USP34: variants seen among roughly 807,000 people sequenced by gnomAD.
USP34 encodes the protein ubiquitin specific peptidase 34.
A neutral mutation model predicts 460.3 loss-of-function variants in USP34; 70 were observed. The ratio of observed to expected loss-of-function variants is 0.15; its 90% CI spans 0.13 to 0.19. The LOEUF (loss-of-function observed/expected upper bound fraction) is 0.19. USP34 is among the 10% of genes least tolerant of loss of function. The pLI is 1.00. For missense variants in USP34, 3,985 were observed against 4,236.2 expected, an observed-to-expected ratio of 0.94 and a Z score of 1.65; for synonymous variants, 1,647 against 1,405.3, an observed-to-expected ratio of 1.17 and a Z score of -3.85.
intron 67 of USP34, 121 bp from the exon 68 acceptor site, chr2:61,214,815 A>G: frequency 8.6e-7 from 1 of 1,161,708 alleles, no homozygotes; most frequent in Non-Finnish European, 1.2e-6. Flanking sequence ...AGGGACATGA[A>G]CATCTCTTTT....
chr2:61,221,801 A>AC (rs1427676300), intron 65 of USP34, 195 bp from the exon 66 acceptor site: 22 of 432,250 alleles, frequency 5.1e-5, no homozygotes, highest in Non-Finnish European at 8.1e-5. Flanking sequence ...TCAACCGGGA[A>AC]CCACGTATGA....
chr2:61,339,295 C>T (rs914482454), intron 18 of USP34, 56 bp downstream of exon 18: 17 of 1,536,544 alleles, frequency 1.1e-5, no homozygotes, highest in African/African-American at 1.4e-5. Context: ...CAAGAATGTC[C>T]CCCCACACCC....
intron 1 of USP34, among the ~76,000 whole-genome samples, chr2:61,429,546 A>G (rs1476359466): frequency 6.6e-6 from 1 of 152,104 alleles, no homozygotes; most frequent in Non-Finnish European, 1.5e-5. Flanking sequence ...TGAGTTGCTT[A>G]AGCACAGGCA....
rs761711516 is a variant in USP34 at position 61,343,885 on chromosome 2, C to T, written c.2430G>A (p.Ala810=). 93 of 1,613,902 alleles carry T rather than the reference C, an allele frequency of 5.8e-5. No homozygotes were observed. In the Middle Eastern group the frequency reaches 3.6e-3, roughly 63 times the overall value. Residue 810 remains alanine, a synonymous_variant, in exon 16 of 80, where the codon GCG becomes GCA. Coordinates refer to ENST00000398571, the MANE Select transcript of USP34 (RefSeq NM_014709.4). ...EEELVQINSH[A]ELTSHLQQHL... is the part of the protein sequence containing the mutation. ...GTTGTTGGAGGTGAGATGTCAGTTC[C>T]GCATGTGAATTAATCTGAACTAGCT...
chr2:61,238,882 G>A (rs1235199123), intron 53 of USP34, among the ~76,000 whole-genome samples: 2 of 151,964 alleles, frequency 1.3e-5, no homozygotes, highest in African/African-American at 4.8e-5. Context: ...AAGTCTATTG[G>A]CACCATTTTT....
intron 29 of USP34, among the ~76,000 whole-genome samples, chr2:61,299,003 C>T (rs967440953): frequency 2.6e-5 from 4 of 152,100 alleles, no homozygotes; most frequent in Non-Finnish European, 4.4e-5. Context: ...TTTTGTCCCC[C>T]TCCTCACATT....
At chr2:61,300,107 T>C (rs919931530) in intron 29 of USP34, among the ~76,000 whole-genome samples, 5 of 152,236 alleles carry the variant, frequency 3.3e-5, no homozygotes, top group African/African-American at 1.2e-4. Flanking sequence ...TCAAATGCTT[T>C]ACTGACTTTG....
chr2:61,260,589 A>T (rs1688850186), intron 43 of USP34, among the ~76,000 whole-genome samples: 1 of 152,232 alleles, frequency 6.6e-6, no homozygotes, highest in Admixed American at 6.5e-5. Flanking sequence ...AAGTCAAGAT[A>T]TGGACTAAAA....
intron 70 of USP34, chr2:61,207,956 T>C (rs1297862343): frequency 6.6e-6 from 1 of 152,342 alleles, no homozygotes; most frequent in Admixed American, 6.5e-5. Context: ...TATGGTACTC[T>C]TGGCATGTTT....
In USP34 at chr2:61,412,938, T is replaced by C. The variant is rs142436625; in HGVS notation, c.132-6810A>G. On this transcript the variant is annotated intron_variant, in intron 2 of 79. Transcript: ENST00000398571. ...ATGAAAAGGAAGTAATCAAGAAGGG[T>C]ACAATATCTGACTAACATAGTTCCA... Among the ~76,000 whole-genome samples, 137 of 142,844 alleles carry C rather than the reference T, an allele frequency of 9.6e-4. 2 individuals are homozygous for C. The highest frequency in any genetic ancestry group is 2.0e-3 in the South Asian group (9 of 4,438). The allele number at this position is 142,844 out of a possible 152,430, so 93.7% of individuals were successfully genotyped here. A position where few individuals can be genotyped will look rare whatever the true frequency, so the allele number is the denominator to read the frequency against.
chr2:61,265,590 CCAAA>C, intron 42 of USP34, 33 bp from the exon 43 acceptor site: 3 of 1,569,032 alleles, frequency 1.9e-6, no homozygotes, highest in South Asian at 1.2e-5. Flanking sequence ...AAGATCCCCC[CCAAA>C]CAAACTATGA....
chr2:61,322,888 AC>A (rs1486928738), intron 21 of USP34, among the ~76,000 whole-genome samples: 8 of 152,248 alleles, frequency 5.3e-5, no homozygotes, highest in Non-Finnish European at 1.0e-4. Flanking sequence ...ATTATAGTCA[AC>A]TAAATAAAAA....
intron 75 of USP34, among the ~76,000 whole-genome samples, chr2:61,195,269 CTCCTGGCATAATTCA>C (rs1431281149): frequency 6.6e-6 from 1 of 151,808 alleles, no homozygotes; most frequent in Non-Finnish European, 1.5e-5. Context: ...TGGTCTCAAA[CTCCTGGCATAATTCA>C]TCCTCTTGCA....
At chr2:61,409,464 A>C (rs1693976519) in intron 2 of USP34, among the ~76,000 whole-genome samples, 1 of 152,210 alleles carries the variant, frequency 6.6e-6, no homozygotes, top group Non-Finnish European at 1.5e-5. Flanking sequence ...CTGTAACCCC[A>C]GCACTTTGGG....
chr2:61,312,013 G>C (rs1446521550), intron 25 of USP34, 103 bp from the exon 26 acceptor site: 133 of 1,396,116 alleles, frequency 9.5e-5, no homozygotes, highest in Non-Finnish European at 1.1e-4. Context: ...TCCAAAAGAA[G>C]TTCTAAGTTC....
In USP34 at chr2:61,348,193, G is replaced by C; in HGVS notation, c.1962C>G (p.Cys654Trp). 2 of 1,614,174 alleles carry C rather than the reference G, an allele frequency of 1.2e-6. No individual in the cohort carries two copies. Among genetic ancestry groups the C allele is most frequent in the Non-Finnish European group, 1.7e-6 (2 of 1,180,020 alleles). The change falls in exon 15 of 80, where the codon TGC (cysteine) becomes TGG (tryptophan). Residue 654 changes from cysteine (C) to tryptophan (W), a missense_variant. Physicochemically the swap from Cys to Trp is radical, Grantham distance 215. Around this residue, in one of 14 missense-constraint regions of USP34, gnomAD observed 716 missense variants for 626.2 expected, o/e 1.14. Transcript: ENST00000398571. ...CTGACATGCCTTGGGAGTCCCCCAG[G>C]CAAATGCCTGCTTGACTCTCTAACT... ...NRKLESQAGI[C>W]LGDSQGMSER...
At position 61,428,811 on chromosome 2, in the gene USP34, G is replaced by C. The variant is rs183977808; in HGVS notation, c.44-7978C>G. On this transcript the variant is annotated intron_variant, in intron 1 of 79. Transcript: ENST00000398571. ...TCAGAGGTAACTCCTAGGAAGTGAG[G>C]TTTGAAAATAAAGAGAGAAAAGAAT... is the stretch of plus-strand genomic sequence containing the variant. Among the ~76,000 whole-genome samples the C allele has an allele frequency of 2.9e-3, 445 of 152,258 alleles. 2 individuals carry two copies. Among genetic ancestry groups the C allele is most frequent in the Non-Finnish European group, 4.3e-3 (290 of 68,022 alleles).
intron 1 of USP34, among the ~76,000 whole-genome samples, chr2:61,422,466 C>A (rs760699825): frequency 5.9e-5 from 9 of 152,168 alleles, no homozygotes; most frequent in Admixed American, 3.9e-4. Context: ...ACCAGAAAGG[C>A]AAGTGAAGGA....
intron 41 of USP34, among the ~76,000 whole-genome samples, chr2:61,275,447 T>C (rs1001486655): frequency 2.0e-5 from 3 of 151,780 alleles, no homozygotes; most frequent in African/African-American, 7.3e-5. Context: ...CAAAACCCCA[T>C]CTCTACAAAA....
Sources: gnomAD v4.1 joint callset for allele counts (sites outside exome capture counted in the v4.1 genomes callset) on GRCh38, gnomAD v4.1.1 for gene constraint, gnomAD v4.1.1 regional missense constraint, MANE v1.5 for transcripts, NCBI Gene and HGNC (gene_info 2026-07-23, HGNC 2026-07-21) for gene names.